The following ARHGEF17 variants were observed in gnomAD, a reference collection of about 807,000 sequenced individuals.
ARHGEF17 encodes the protein Rho guanine nucleotide exchange factor 17, also known as 164 kDa Rho-specific guanine-nucleotide exchange factor.
ARHGEF17 carries 80 observed loss-of-function variants against 174.0 expected under a neutral mutation model. The ratio of observed to expected loss-of-function variants is 0.46; its 90% CI spans 0.38 to 0.55. The LOEUF (loss-of-function observed/expected upper bound fraction) is 0.55. Ranked by LOEUF, ARHGEF17 falls within the 20% of genes least tolerant of loss-of-function variation. ARHGEF17 has a pLI of 0.00. For synonymous variants in ARHGEF17, 1,311 were observed against 1,189.1 expected, an observed-to-expected ratio of 1.10 and a Z score of -2.11; for missense variants, 2,886 against 2,839.7, an observed-to-expected ratio of 1.02 and a Z score of -0.37.
In ARHGEF17 at chr11:73,312,738, T is replaced by TC. The variant is rs543817258; in HGVS notation, c.3192+908_3192+909insC. Reference sequence around the variant, plus strand: ...TGCCTCTATGGGTCTGGGGGGTCGGTTCTTGTTCCCCCATCCTGTCTGCTT... The same window carrying TC: ...TGCCTCTATGGGTCTGGGGGGTCGGTCTCTTGTTCCCCCATCCTGTCTGCTT... On this transcript the variant is annotated intron_variant, in intron 1 of 20. Coordinates refer to ENST00000263674, the MANE Select transcript of ARHGEF17 (RefSeq NM_014786.4). 9.1e-4 allele frequency among the ~76,000 whole-genome samples: 138 copies of TC among 151,906 alleles called. 1 individual carries two copies. Among genetic ancestry groups the TC allele is most frequent in the African/African-American group, 3.2e-3 (132 of 41,408 alleles).
At chr11:73,351,385 G>A (rs887227298) in intron 2 of ARHGEF17, among the ~76,000 whole-genome samples, 4 of 152,056 alleles carry the variant, frequency 2.6e-5, no homozygotes, top group East Asian at 1.9e-4. Context: ...CTCCACAAGC[G>A]CACCGGCCCC....
chr11:73,323,655 A>G (rs972482780), intron 1 of ARHGEF17, among the ~76,000 whole-genome samples: 23 of 150,538 alleles, frequency 1.5e-4, no homozygotes, highest in Admixed American at 3.3e-4. Flanking sequence ...TCTGGCCTGG[A>G]CCCGCCACTT....
chr11:73,310,009 A>T lies in ARHGEF17; in HGVS notation c.1371A>T (p.Arg457=). Residue 457 remains arginine (R), a synonymous_variant, in exon 1 of 21, where the codon CGA becomes CGT. Coordinates refer to ENST00000263674, the MANE Select transcript of ARHGEF17 (RefSeq NM_014786.4). The stretch of plus-strand genomic sequence containing the variant: ...GAGGATTTGAGCCTGAAAAGAGTCG[A>T]CAGCGGAAGTCCCTGTCAAATCCAG... The part of the protein sequence containing the change: ...RDGGFEPEKS[R]QRKSLSNPDI... 6.2e-7 allele frequency: 1 copy of T among 1,614,138 alleles called. No individual in the cohort carries two copies. The highest frequency in any genetic ancestry group is 8.5e-7 in the Non-Finnish European group (1 of 1,180,022).
At chr11:73,356,676 CCTT>C in intron 6 of ARHGEF17, 30 bp from the exon 7 acceptor site, 1 of 1,613,398 alleles carries the variant, frequency 6.2e-7, no homozygotes, top group South Asian at 1.1e-5. Context: ...TAATAACTGG[CCTT>C]CGAGATGCCT....
At chr11:73,364,307 ATG>A (rs1865801230) in intron 17 of ARHGEF17, 68 bp downstream of exon 17, 2 of 1,604,746 alleles carry the variant, frequency 1.2e-6, no homozygotes, top group Admixed American at 3.4e-5. Flanking sequence ...TCTCCTGGAG[ATG>A]TGGCTTTGGG....
chr11:73,361,501 G>A (rs181224914), intron 12 of ARHGEF17, among the ~76,000 whole-genome samples: 112 of 152,232 alleles, frequency 7.4e-4, no homozygotes, highest in African/African-American at 2.6e-3. Context: ...ATTATATCTG[G>A]GGATATGTGT....
intron 1 of ARHGEF17, among the ~76,000 whole-genome samples, chr11:73,335,528 G>A (rs887500209): frequency 2.0e-5 from 3 of 151,776 alleles, no homozygotes; most frequent in Non-Finnish European, 4.4e-5. Context: ...GGAGGGGGGC[G>A]GATCTCAGAG....
chr11:73,367,548 G>T, intron 20 of ARHGEF17, 36 bp from the exon 21 acceptor site: 1 of 1,560,110 alleles, frequency 6.4e-7, no homozygotes, highest in Non-Finnish European at 8.8e-7. Flanking sequence ...GCCTCCATTC[G>T]CCCCCAAGCT....
Position 73,362,171 on chromosome 11 carries a change from C to T in ARHGEF17, c.4626C>T (p.Cys1542=). Residue 1542 remains cysteine, a synonymous_variant, in exon 13 of 21, where the codon TGC becomes TGT. Coordinates refer to ENST00000263674, the MANE Select transcript of ARHGEF17 (RefSeq NM_014786.4). ...GCGCCGAGCCGGACGTGGAGGCCTG[C>T]ATCGCCGTCTGTTCCGCCCGCATCC... The part of the protein sequence containing the change: ...SLRAEPDVEA[C]IAVCSARILC... 1.3e-6 allele frequency: 2 copies of T among 1,595,294 alleles called. No individual in the cohort carries two copies. The highest frequency in any genetic ancestry group is 1.7e-4 in the Middle Eastern group (1 of 6,028).
rs769296738 is a variant in ARHGEF17 at position 73,310,924 on chromosome 11, A to C, written c.2286A>C (p.Ser762=). The C allele has an allele frequency of 1.2e-6, 2 of 1,613,940 alleles. No individual in the cohort carries two copies. The highest frequency in any genetic ancestry group is 2.2e-5 in the East Asian group (1 of 44,880). ...GFSVDSNLLG[S]LSPKTGLPAT... ...CTGTGGACAGCAACCTCCTGGGCTCACTGAGCCCCAAGACAGGGCTCCCTG... is the reference window on the plus strand; with the variant it reads ...CTGTGGACAGCAACCTCCTGGGCTCCCTGAGCCCCAAGACAGGGCTCCCTG... The change falls in exon 1 of 21, where the codon TCA becomes TCC. Residue 762 remains serine, a synonymous_variant. Coordinates refer to ENST00000263674, the MANE Select transcript of ARHGEF17 (RefSeq NM_014786.4).
In ARHGEF17 at chr11:73,308,674, C is replaced by A; in HGVS notation, c.36C>A (p.Arg12=). The A allele has an allele frequency of 4.6e-6, 7 of 1,518,906 alleles. No homozygotes were observed. The highest frequency in any genetic ancestry group is 2.8e-5 in the East Asian group (1 of 35,582). 94.1% of individuals were successfully genotyped at this position (1,518,906 alleles called of 1,614,324 possible). Residue 12 remains arginine, a synonymous_variant, in exon 1 of 21, where the codon CGC becomes CGA. Coordinates refer to ENST00000263674, the MANE Select transcript of ARHGEF17 (RefSeq NM_014786.4). ...ADGAPRPQLY[R]SVSFKLLERW... is the part of the protein sequence containing the mutation. The stretch of plus-strand genomic sequence containing the variant: ...GGGCACCCCGGCCCCAGCTTTACCG[C>A]AGCGTCTCGTTCAAGCTGCTGGAGC...
At position 73,355,570 on chromosome 11, in the gene ARHGEF17, A is replaced by G. The variant is rs761534132; in HGVS notation, c.3491A>G (p.Tyr1164Cys). The G allele has an allele frequency of 1.9e-6, 3 of 1,613,934 alleles. No homozygotes were observed. Among genetic ancestry groups the G allele is most frequent in the Non-Finnish European group, 8.5e-7 (1 of 1,179,780 alleles). ...KDVLVNIYSA[Y>C]IDNFLNAKDA... Reference sequence around the variant, plus strand: ...GTCCTAGTAAACATCTATTCTGCCTATATCGATAACTTCCTCAATGCAAAG... The same window carrying G: ...GTCCTAGTAAACATCTATTCTGCCTGTATCGATAACTTCCTCAATGCAAAG... The change falls in exon 4 of 21, where the codon TAT becomes TGT. Residue 1164 changes from tyrosine to cysteine, a missense_variant. This residue lies in a region of ARHGEF17 where 353 missense variants were observed against 470.3 expected (regional missense o/e 0.75). Transcript: ENST00000263674.
chr11:73,359,983 C>T, intron 10 of ARHGEF17, 31 bp downstream of exon 10: 2 of 1,560,880 alleles, frequency 1.3e-6, no homozygotes, highest in Non-Finnish European at 1.7e-6. Flanking sequence ...ACTGGGGAGC[C>T]AGAGGGTGGG....
intron 2 of ARHGEF17, among the ~76,000 whole-genome samples, chr11:73,348,426 A>G (rs1053896169): frequency 6.6e-6 from 1 of 152,206 alleles, no homozygotes; most frequent in African/African-American, 2.4e-5. Flanking sequence ...TACACACAAC[A>G]GGGATACGCC....
Position 73,331,826 on chromosome 11 carries a change from A to G in ARHGEF17, c.3193-15057A>G, listed in dbSNP as rs190564879. On this transcript the variant is annotated intron_variant, in intron 1 of 20. Transcript: ENST00000263674. ...GCTCTCACCTGGAGAATCACCCCAC[A>G]GAAGCATCAGAGCCCAAAGGATTTT... Among the ~76,000 whole-genome samples, 300 of 152,332 alleles carry G rather than the reference A, an allele frequency of 2.0e-3. 1 individual carries two copies. Among genetic ancestry groups the G allele is most frequent in the Non-Finnish European group, 3.0e-3 (207 of 68,020 alleles).
chr11:73,360,272 G>T (rs375683089), intron 10 of ARHGEF17, 48 bp from the exon 11 acceptor site: 12 of 1,602,740 alleles, frequency 7.5e-6, no homozygotes, highest in Non-Finnish European at 1.0e-5. Context: ...GCAGGTGCAG[G>T]CTCTGGTGAG....
chr11:73,310,286 T>C lies in ARHGEF17; in HGVS notation c.1648T>C (p.Ser550Pro), dbSNP rs773918634. 16 of 1,613,950 alleles carry C rather than the reference T, an allele frequency of 9.9e-6. No individual in the cohort carries two copies. The East Asian group carries it at 1.8e-4, about 18-fold the overall frequency. Residue 550 changes from serine to proline, a missense_variant, in exon 1 of 21, where the codon TCT (serine) becomes CCT (proline). By Grantham distance (74) the Ser-to-Pro change is moderately conservative (BLOSUM62 -1). Transcript: ENST00000263674. ...TLRRAKSFTCSEKPMARRLPR... is the reference protein window; with the variant it reads ...TLRRAKSFTCPEKPMARRLPR... ...GCGGAGAGCAAAGTCATTCACCTGCTCTGAGAAGCCCATGGCCCGCCGCCT... is the reference window on the plus strand; with the variant it reads ...GCGGAGAGCAAAGTCATTCACCTGCCCTGAGAAGCCCATGGCCCGCCGCCT...
intron 1 of ARHGEF17, among the ~76,000 whole-genome samples, chr11:73,316,193 G>A (rs1864926823): frequency 6.6e-6 from 1 of 152,254 alleles, no homozygotes; most frequent in South Asian, 2.1e-4. Flanking sequence ...CAGAGGCTAG[G>A]AGATGGAAAG....
chr11:73,334,827 G>T (rs935494903), intron 1 of ARHGEF17, among the ~76,000 whole-genome samples: 2 of 152,128 alleles, frequency 1.3e-5, no homozygotes, highest in East Asian at 3.9e-4. Context: ...GATAACTTCC[G>T]TTCCCACGAT....
Sources: allele counts gnomAD v4.1 joint callset (sites outside exome capture counted in the v4.1 genomes callset), GRCh38; gene constraint gnomAD v4.1.1; regional missense constraint gnomAD v4.1.1; transcripts MANE v1.5; gene names NCBI Gene and HGNC (gene_info 2026-07-23, HGNC 2026-07-21).